Variants in PRDM5 observed in about 807,000 individuals in gnomAD.
PRDM5 encodes PR domain zinc finger protein 5.
PRDM5 carries 56 observed loss-of-function variants against 81.2 expected under a neutral mutation model. That is an observed-to-expected ratio of 0.69 (90% CI 0.56 to 0.86). The LOEUF (loss-of-function observed/expected upper bound fraction) is 0.86, where lower values mean the gene tolerates loss of function less well. PRDM5 is among the 40% of genes least tolerant of loss of function. The pLI is 0.00. For missense variants in PRDM5, 697 were observed against 770.1 expected (o/e 0.91, Z 1.12); for synonymous variants, 267 against 256.4 (o/e 1.04, Z -0.39).
At chr4:120,763,291 T>A (rs114134439) in intron 13 of PRDM5, among the ~76,000 whole-genome samples, 78 of 152,182 alleles carry the variant, frequency 5.1e-4, no homozygotes, top group African/African-American at 1.6e-3. Context: ...CTGATGCAAA[T>A]TTTTTTAAAA....
chr4:120,708,850 G>A (rs952827756), intron 15 of PRDM5, among the ~76,000 whole-genome samples: 1 of 152,090 alleles, frequency 6.6e-6, no homozygotes, highest in Non-Finnish European at 1.5e-5. Context: ...TATCCACAAT[G>A]AGTAGGTTAA....
Position 120,695,085 on chromosome 4 carries a change from ATAG to A in PRDM5, c.*23_*25del. 1.2e-6 allele frequency: 2 copies of A among 1,605,018 alleles called. No individual in the cohort carries two copies. Among genetic ancestry groups the A allele is most frequent in the Non-Finnish European group, 1.7e-6 (2 of 1,171,990 alleles). ...GGATTCATATTAGGAGCCCTTCTGA[ATAG>A]TTTAATTCCTTTACAGCCCCTATTA... On this transcript the variant is annotated 3_prime_UTR_variant, in exon 16 of 16. Coordinates refer to ENST00000264808, the MANE Select transcript of PRDM5 (RefSeq NM_018699.4).
chr4:120,880,371 A>G (rs1762728054), intron 2 of PRDM5, among the ~76,000 whole-genome samples: 1 of 152,174 alleles, frequency 6.6e-6, no homozygotes, highest in South Asian at 2.1e-4. Flanking sequence ...TACTCTTGAC[A>G]CTCTCTATGC....
intron 10 of PRDM5, among the ~76,000 whole-genome samples, chr4:120,796,066 ATAAT>A (rs1437811096): frequency 2.6e-5 from 4 of 152,316 alleles, no homozygotes; most frequent in Admixed American, 1.3e-4. Context: ...AAACAAAAGA[ATAAT>A]TAATTAAAAG....
intron 14 of PRDM5, among the ~76,000 whole-genome samples, chr4:120,729,036 C>T (rs772186634): frequency 3.3e-5 from 5 of 152,130 alleles, no homozygotes; most frequent in South Asian, 2.1e-4. Context: ...CCGCAGGAGA[C>T]GGCTTTCCCT....
At chr4:120,792,451 C>A (rs539077654) in intron 10 of PRDM5, among the ~76,000 whole-genome samples, 7 of 152,042 alleles carry the variant, frequency 4.6e-5, no homozygotes, top group Non-Finnish European at 1.0e-4. Context: ...TATTGGAACC[C>A]CTGTATACTG....
chr4:120,709,134 A>T (rs1256981842), intron 15 of PRDM5, among the ~76,000 whole-genome samples: 1 of 152,218 alleles, frequency 6.6e-6, no homozygotes, highest in Non-Finnish European at 1.5e-5. Context: ...AGATAAAAGG[A>T]TGAGTTAAAT....
intron 2 of PRDM5, among the ~76,000 whole-genome samples, chr4:120,868,485 C>A (rs1301103621): frequency 2.6e-5 from 4 of 152,054 alleles, no homozygotes; most frequent in Non-Finnish European, 4.4e-5. Context: ...TCTTGGATTT[C>A]AGATTTCTAG....
intron 2 of PRDM5, among the ~76,000 whole-genome samples, chr4:120,877,443 C>A (rs1762424087): frequency 6.6e-6 from 1 of 152,186 alleles, no homozygotes; most frequent in African/African-American, 2.4e-5. Context: ...TGCAATTTAA[C>A]AATTCAGTTG....
Position 120,735,014 on chromosome 4 carries a change from A to G in PRDM5, c.1623+19539T>C, listed in dbSNP as rs1173645076. ...CTGACTCTGTAACAGTTAGTTGGCC[A>G]TCTGAGACCAAATGCATGTTCTTAA... On this transcript the variant is annotated intron_variant, in intron 14 of 15. Transcript: ENST00000264808. Among the ~76,000 whole-genome samples, 3 of 152,340 alleles carry G rather than the reference A, an allele frequency of 2.0e-5. No individual in the cohort carries two copies. In the East Asian group the frequency reaches 5.8e-4, roughly 29 times the overall value.
intron 10 of PRDM5, among the ~76,000 whole-genome samples, chr4:120,794,867 C>T (rs929604683): frequency 1.3e-5 from 2 of 152,116 alleles, no homozygotes; most frequent in Non-Finnish European, 2.9e-5. Flanking sequence ...CTCAGCGGAT[C>T]CACCCACCTC....
At chr4:120,706,548 A>C (rs1460757805) in intron 15 of PRDM5, among the ~76,000 whole-genome samples, 1 of 151,984 alleles carries the variant, frequency 6.6e-6, no homozygotes, top group Non-Finnish European at 1.5e-5. Flanking sequence ...TAGGCAGTTG[A>C]AAATATCTGC....
rs144148119 is a variant in PRDM5, at chr4:120,850,580, A to G, written c.300+2838T>C. ...CACTGCATCCCTATTAAGAAAGTGC[A>G]AAACAGTGTTAAAAGAAATGAAAGC... On this transcript the variant is annotated intron_variant, in intron 3 of 15. Transcript: ENST00000264808. 5.6e-3 allele frequency among the ~76,000 whole-genome samples: 848 copies of G among 152,284 alleles called. 6 individuals are homozygous for G. Among genetic ancestry groups the G allele is most frequent in the Middle Eastern group, 0.017 (5 of 294 alleles).
intron 13 of PRDM5, among the ~76,000 whole-genome samples, chr4:120,756,427 C>A (rs1285723978): frequency 6.6e-6 from 1 of 152,176 alleles, no homozygotes; most frequent in Non-Finnish European, 1.5e-5. Flanking sequence ...CACTTTTTTA[C>A]TCACTTCTCC....
At chr4:120,826,253 G>A (rs527739302) in intron 3 of PRDM5, among the ~76,000 whole-genome samples, 73 of 152,204 alleles carry the variant, frequency 4.8e-4, no homozygotes, top group African/African-American at 1.7e-3. Flanking sequence ...AAAACACAGA[G>A]CTAATTCCCA....
chr4:120,775,072 C>T (rs1188184235), intron 13 of PRDM5, among the ~76,000 whole-genome samples: 4 of 151,018 alleles, frequency 2.6e-5, no homozygotes, highest in African/African-American at 9.7e-5. Flanking sequence ...TTGTGCCTTA[C>T]CACTGCTGTC....
chr4:120,883,382 A>G (rs1763059311), intron 2 of PRDM5, among the ~76,000 whole-genome samples: 1 of 152,160 alleles, frequency 6.6e-6, no homozygotes, highest in African/African-American at 2.4e-5. Context: ...TGCAACTCTT[A>G]TTTTTATTTA....
At chr4:120,753,437 C>T (rs1230433198) in intron 14 of PRDM5, among the ~76,000 whole-genome samples, 1 of 151,872 alleles carries the variant, frequency 6.6e-6, no homozygotes, top group Non-Finnish European at 1.5e-5. Context: ...AGTGAGAAAC[C>T]TGCTATAGAT....
chr4:120,756,623 A>G (rs1744782191), intron 13 of PRDM5, among the ~76,000 whole-genome samples: 1 of 152,246 alleles, frequency 6.6e-6, no homozygotes. Context: ...ACCACAAAGG[A>G]AAAGGACAGG....
Sources: allele counts gnomAD v4.1 joint callset (sites outside exome capture counted in the v4.1 genomes callset), GRCh38; gene constraint gnomAD v4.1.1; transcripts MANE v1.5; gene names NCBI Gene and HGNC (gene_info 2026-07-23, HGNC 2026-07-21).